TRPC4: variants seen among roughly 807,000 people sequenced by gnomAD.
TRPC4 encodes short transient receptor potential channel 4.
In TRPC4, 49 loss-of-function variants were observed where a neutral mutation model predicts 99.4. The ratio of observed to expected loss-of-function variants is 0.49; its 90% CI spans 0.39 to 0.63. The LOEUF (loss-of-function observed/expected upper bound fraction) is 0.63, where lower values mean the gene tolerates loss of function less well. TRPC4 is among the 20% of genes least tolerant of loss of function. TRPC4 has a pLI of 0.00. For synonymous variants in TRPC4, 454 were observed against 425.9 expected, an observed-to-expected ratio of 1.07 and a Z score of -0.81; for missense variants, 898 against 1,152.9, an observed-to-expected ratio of 0.78 and a Z score of 3.20.
At chr13:37,782,311 G>C (rs1420078237) in intron 2 of TRPC4, among the ~76,000 whole-genome samples, 1 of 152,054 alleles carries the variant, frequency 6.6e-6, no homozygotes, top group Non-Finnish European at 1.5e-5. Flanking sequence ...TGCCATTTTA[G>C]TTTATTTTCT....
intron 3 of TRPC4, among the ~76,000 whole-genome samples, chr13:37,703,343 C>T (rs1357862994): frequency 4.6e-5 from 7 of 152,184 alleles, no homozygotes; most frequent in Admixed American, 2.6e-4. Flanking sequence ...AGTGGTACAA[C>T]GTCTACCTAG....
chr13:37,853,784 A>G (rs897761961), intron 1 of TRPC4, among the ~76,000 whole-genome samples: 1 of 152,070 alleles, frequency 6.6e-6, no homozygotes, highest in Admixed American at 6.6e-5. Context: ...TGTAATTCAC[A>G]TGTTGAAGAA....
At chr13:37,736,426 G>A (rs140155236) in intron 3 of TRPC4, among the ~76,000 whole-genome samples, 23 of 152,230 alleles carry the variant, frequency 1.5e-4, no homozygotes, top group African/African-American at 4.6e-4. Flanking sequence ...AATTCACATC[G>A]CTCAGTGTAG....
chr13:37,733,446 G>A (rs1955300048), intron 3 of TRPC4, among the ~76,000 whole-genome samples: 2 of 152,038 alleles, frequency 1.3e-5, no homozygotes, highest in African/African-American at 4.8e-5. Flanking sequence ...AAATAATCAA[G>A]GATGACTCAG....
At chr13:37,714,118 C>A (rs934003995) in intron 3 of TRPC4, among the ~76,000 whole-genome samples, 1 of 150,416 alleles carries the variant, frequency 6.6e-6, no homozygotes, top group African/African-American at 2.5e-5. Flanking sequence ...CTCTTTCGCT[C>A]TCTCTCTTTC....
rs1311663758 is a variant in TRPC4, at chr13:37,745,465, TATATATATAC to T, written c.897+462_897+471del. 7.1e-3 allele frequency among the ~76,000 whole-genome samples: 170 copies of T among 24,086 alleles called. 5 individuals are homozygous for T. The highest frequency in any genetic ancestry group is 0.036 in the Middle Eastern group (1 of 28). 15.8% of individuals were successfully genotyped at this position (24,086 alleles called of 152,430 possible). ...ATATATATATATATATATATATATA[TATATATATAC>T]ACACACACACACACTTATATATACG... On this transcript the variant is annotated intron_variant, in intron 3 of 10. Coordinates refer to ENST00000379705, the MANE Select transcript of TRPC4 (RefSeq NM_016179.4).
At chr13:37,656,463 G>T (rs1952240766) in intron 6 of TRPC4, among the ~76,000 whole-genome samples, 1 of 152,100 alleles carries the variant, frequency 6.6e-6, no homozygotes. Flanking sequence ...ATTGTCCCCT[G>T]TATGCCCTTT....
At chr13:37,827,356 T>A (rs1402315503) in intron 1 of TRPC4, among the ~76,000 whole-genome samples, 1 of 152,204 alleles carries the variant, frequency 6.6e-6, no homozygotes, top group Non-Finnish European at 1.5e-5. Flanking sequence ...GCTCTGCTTT[T>A]TAGAGTTTCC....
chr13:37,840,313 G>A (rs1035802960), intron 1 of TRPC4, among the ~76,000 whole-genome samples: 2 of 152,094 alleles, frequency 1.3e-5, no homozygotes, highest in Non-Finnish European at 2.9e-5. Flanking sequence ...ATTATTCAAA[G>A]ATGTGTTTGA....
intron 1 of TRPC4, among the ~76,000 whole-genome samples, chr13:37,812,319 C>T (rs1957725122): frequency 6.6e-6 from 1 of 150,692 alleles, no homozygotes; most frequent in Non-Finnish European, 1.5e-5. Context: ...ATCATCTAAT[C>T]AAAGACTATC....
rs9603264 is a variant in TRPC4 at position 37,835,279 on chromosome 13, C to T, written c.-28+34316G>A. On this transcript the variant is annotated intron_variant, in intron 1 of 10. Coordinates refer to ENST00000379705, the MANE Select transcript of TRPC4 (RefSeq NM_016179.4). Reference sequence around the variant, plus strand: ...CATGCCTTCAAAAAATTACTACTTCCTCCTTCTGAGGGCGTTCATTGTAAA... The same window carrying T: ...CATGCCTTCAAAAAATTACTACTTCTTCCTTCTGAGGGCGTTCATTGTAAA... 4.8e-3 allele frequency among the ~76,000 whole-genome samples: 732 copies of T among 152,194 alleles called. 5 individuals carry two copies. Among genetic ancestry groups the T allele is most frequent in the African/African-American group, 0.016 (678 of 41,522 alleles).
chr13:37,753,851 C>T (rs1956020285), intron 2 of TRPC4, among the ~76,000 whole-genome samples: 1 of 152,092 alleles, frequency 6.6e-6, no homozygotes, highest in South Asian at 2.1e-4. Context: ...CCAATTAGGG[C>T]CAATGGCCCT....
chr13:37,684,963 T>C (rs1434303873), intron 4 of TRPC4, among the ~76,000 whole-genome samples: 7 of 152,148 alleles, frequency 4.6e-5, no homozygotes, highest in Non-Finnish European at 5.9e-5. Flanking sequence ...CTTTCTTTCT[T>C]GGAATGGATT....
Position 37,783,138 on chromosome 13 carries a change from T to C in TRPC4, c.196A>G (p.Ile66Val). ...AGAGCAGTTCTTCCGAGAGGATCAA[T>C]GCAATTAATATTGATTTTAAAATAA... ...EIYFKININC[I>V]DPLGRTALLI... Residue 66 changes from isoleucine (I) to valine (V), a missense_variant, in exon 2 of 11, where the codon ATT becomes GTT. By Grantham distance (29) the Ile-to-Val change is conservative. Around this residue, in one of 3 missense-constraint regions of TRPC4, gnomAD observed 278 missense variants for 346.6 expected, o/e 0.80. Coordinates refer to ENST00000379705, the MANE Select transcript of TRPC4 (RefSeq NM_016179.4). The C allele has an allele frequency of 6.2e-7, 1 of 1,613,472 alleles. No individual in the cohort carries two copies. Among genetic ancestry groups the C allele is most frequent in the Non-Finnish European group, 8.5e-7 (1 of 1,179,710 alleles).
At chr13:37,693,535 T>C (rs1953801088) in intron 3 of TRPC4, among the ~76,000 whole-genome samples, 1 of 152,228 alleles carries the variant, frequency 6.6e-6, no homozygotes, top group Non-Finnish European at 1.5e-5. Flanking sequence ...TTTCCCATCT[T>C]TCTTCTTTAG....
At chr13:37,639,199 A>AG in intron 9 of TRPC4, 59 bp downstream of exon 9, 2 of 1,612,820 alleles carry the variant, frequency 1.2e-6, no homozygotes, top group Non-Finnish European at 1.7e-6. Context: ...TCAGTTCTGA[A>AG]GGGGGGACTG....
chr13:37,740,891 G>T (rs1955567869), intron 3 of TRPC4, among the ~76,000 whole-genome samples: 3 of 152,112 alleles, frequency 2.0e-5, no homozygotes, highest in Admixed American at 6.6e-5. Context: ...TAAACAGAAG[G>T]TTAGGAGGTC....
At chr13:37,748,544 A>G (rs1412789970) in intron 2 of TRPC4, among the ~76,000 whole-genome samples, 5 of 152,094 alleles carry the variant, frequency 3.3e-5, no homozygotes, top group Non-Finnish European at 1.5e-5. Flanking sequence ...AAAATATGTG[A>G]GAATATACCA....
At chr13:37,745,471 TATACACAC>T (rs1204337106) in intron 3 of TRPC4, among the ~76,000 whole-genome samples, 401 of 4,598 alleles carry the variant, frequency 0.087, 5 homozygotes, top group Middle Eastern at 0.17. Context: ...TATATATATA[TATACACAC>T]ACACACACAC....
Sources: allele counts gnomAD v4.1 joint callset (sites outside exome capture counted in the v4.1 genomes callset), GRCh38; gene constraint gnomAD v4.1.1; regional missense constraint gnomAD v4.1.1; transcripts MANE v1.5; gene names NCBI Gene and HGNC (gene_info 2026-07-23, HGNC 2026-07-21).